The following AEBP2 variants were observed in gnomAD, a reference collection of about 807,000 sequenced individuals.
The protein encoded by AEBP2 is AE binding protein 2.
A neutral mutation model predicts 50.8 loss-of-function variants in AEBP2; 10 were observed. That is an observed-to-expected ratio of 0.20 (90% CI 0.12 to 0.33). The LOEUF is 0.33. Ranked by LOEUF, AEBP2 falls within the 10% of genes least tolerant of loss-of-function variation. AEBP2 has a pLI of 1.00. For missense variants in AEBP2, 570 were observed against 688.0 expected, an observed-to-expected ratio of 0.83 and a Z score of 1.92; for synonymous variants, 296 against 261.3, an observed-to-expected ratio of 1.13 and a Z score of -1.28.
At chr12:19,467,319 A>C (rs1433666669) in intron 2 of AEBP2, among the ~76,000 whole-genome samples, 1 of 152,088 alleles carries the variant, frequency 6.6e-6, no homozygotes, top group African/African-American at 2.4e-5. Context: ...GTATGATAGA[A>C]TTTTGTTATT....
chr12:19,440,351 C>G lies in AEBP2; in HGVS notation c.652C>G (p.Arg218Gly). ...EMSSDGEPLS[R>G]MDSEDSISST... Reference sequence around the variant, plus strand: ...GTCGTCGGATGGGGAACCCCTGAGCCGCATGGACTCGGAGGACAGGTCAGT... The same window carrying G: ...GTCGTCGGATGGGGAACCCCTGAGCGGCATGGACTCGGAGGACAGGTCAGT... Residue 218 changes from arginine to glycine, a missense_variant, in exon 1 of 8, where the codon CGC (arginine) becomes GGC (glycine). By Grantham distance (125) the Arg-to-Gly change is moderately radical. Transcript: ENST00000266508. 6.8e-7 allele frequency: 1 copy of G among 1,468,980 alleles called. No individual in the cohort carries two copies. Among genetic ancestry groups the G allele is most frequent in the Non-Finnish European group, 8.9e-7 (1 of 1,117,664 alleles). 91.0% of individuals were successfully genotyped at this position (1,468,980 alleles called of 1,614,324 possible).
chr12:19,517,693 C>T (rs373961782), intron 7 of AEBP2, among the ~76,000 whole-genome samples: 37 of 152,230 alleles, frequency 2.4e-4, no homozygotes, highest in African/African-American at 8.4e-4. Context: ...TTTTTGAGAC[C>T]ACTTCTCTCT....
chr12:19,439,216 A>G (rs1406392632), upstream of AEBP2, among the ~76,000 whole-genome samples: 1 of 152,082 alleles, frequency 6.6e-6, no homozygotes, highest in Non-Finnish European at 1.5e-5. Flanking sequence ...CAGAGGGGAC[A>G]CTCCTCAAAC....
At chr12:19,425,773 CA>C (rs11317571) in intron 1 of AEBP2, among the ~76,000 whole-genome samples, 1,840 of 47,908 alleles carry the variant, frequency 0.038, 12 homozygotes, top group African/African-American at 0.076. Context: ...GACTCCATCT[CA>C]AAAAAAAAAA....
Position 19,500,204 on chromosome 12 carries a change from G to A in AEBP2, c.1282G>A (p.Val428Ile), listed in dbSNP as rs1411361554. ...HIESLGKGHS[V>I]VFHSTVIAKR... ...AGAAAGTTTAGGGAAGGGACACAGT[G>A]TTGTTTTTCATAGTACTGTAAGTAT... The change falls in exon 5 of 8, where the codon GTT becomes ATT. Residue 428 changes from valine to isoleucine, a missense_variant. By Grantham distance (29) the Val-to-Ile change is conservative (BLOSUM62 3). Coordinates refer to ENST00000266508, the MANE Select transcript of AEBP2 (RefSeq NM_153207.5). 4.5e-6 allele frequency: 7 copies of A among 1,562,406 alleles called. No homozygotes were observed. Among genetic ancestry groups the A allele is most frequent in the Non-Finnish European group, 5.2e-6 (6 of 1,154,158 alleles).
chr12:19,509,597 A>G (rs1216705590), intron 5 of AEBP2, among the ~76,000 whole-genome samples: 1 of 152,042 alleles, frequency 6.6e-6, no homozygotes, highest in East Asian at 1.9e-4. Context: ...AATAAAAAAG[A>G]CATACCTAGG....
At chr12:19,475,678 T>G (rs112687593) in intron 3 of AEBP2, among the ~76,000 whole-genome samples, 7 of 152,116 alleles carry the variant, frequency 4.6e-5, no homozygotes, top group Non-Finnish European at 1.0e-4. Flanking sequence ...TCTGTACGGT[T>G]TTCTATAGTG....
chr12:19,482,291 C>T (rs1409102865), intron 3 of AEBP2, among the ~76,000 whole-genome samples: 1 of 152,140 alleles, frequency 6.6e-6, no homozygotes, highest in Non-Finnish European at 1.5e-5. Context: ...TGGATACCAG[C>T]ACCTGCTCTG....
upstream of AEBP2, among the ~76,000 whole-genome samples, chr12:19,437,987 TGTGTCCTTG>T (rs1947877923): frequency 6.6e-6 from 1 of 152,210 alleles, no homozygotes; most frequent in Non-Finnish European, 1.5e-5. Flanking sequence ...GGCCTGAAAA[TGTGTCCTTG>T]GGTCAGGGTG....
intron 7 of AEBP2, among the ~76,000 whole-genome samples, chr12:19,515,762 A>C (rs1949308260): frequency 6.6e-6 from 1 of 152,158 alleles, no homozygotes; most frequent in Admixed American, 6.5e-5. Flanking sequence ...ATTCCAACAT[A>C]ATGGGCATTG....
intron 1 of AEBP2, among the ~76,000 whole-genome samples, chr12:19,432,650 C>T (rs966062640): frequency 3.3e-5 from 5 of 151,966 alleles, no homozygotes; most frequent in African/African-American, 1.2e-4. Flanking sequence ...GCCATGATTG[C>T]GTCACTGCAC....
intron 5 of AEBP2, among the ~76,000 whole-genome samples, chr12:19,504,394 G>A (rs1002907777): frequency 2.1e-5 from 3 of 145,400 alleles, no homozygotes; most frequent in East Asian, 2.1e-4. Flanking sequence ...CCCCCACCAC[G>A]CCTGGCTAAT....
intron 6 of AEBP2, 111 bp from the exon 7 acceptor site, chr12:19,514,560 A>G (rs1592787350): frequency 1.4e-6 from 1 of 716,562 alleles, no homozygotes; most frequent in East Asian, 3.2e-5. Flanking sequence ...AAACTTGTTC[A>G]CTTAACGTGG....
chr12:19,440,184 A>G lies in AEBP2; in HGVS notation c.485A>G (p.Lys162Arg), dbSNP rs567796065. Residue 162 changes from lysine (K) to arginine (R), a missense_variant, in exon 1 of 8, where the codon AAG (lysine) becomes AGG (arginine). By Grantham distance (26) the Lys-to-Arg change is conservative. Coordinates refer to ENST00000266508, the MANE Select transcript of AEBP2 (RefSeq NM_153207.5). ...GDGKEGLEEP[K>R]GPRGSQGGGG... Reference sequence around the variant, plus strand: ...GGCAAGGAGGGCCTGGAGGAGCCCAAGGGACCGCGGGGCAGCCAGGGCGGC... The same window carrying G: ...GGCAAGGAGGGCCTGGAGGAGCCCAGGGGACCGCGGGGCAGCCAGGGCGGC... 32 of 1,467,856 alleles carry G rather than the reference A, an allele frequency of 2.2e-5. No individual in the cohort carries two copies. Among genetic ancestry groups the G allele is most frequent in the East Asian group, 2.7e-5 (1 of 37,158 alleles). The allele number at this position is 1,467,856 out of a possible 1,614,324, so 90.9% of individuals were successfully genotyped here.
In AEBP2 at chr12:19,500,231, C is replaced by T. The variant is rs149646539; in HGVS notation, c.1299+10C>T. 3.5e-6 allele frequency: 5 copies of T among 1,439,338 alleles called. No individual in the cohort carries two copies. The highest frequency in any genetic ancestry group is 4.6e-6 in the Non-Finnish European group (5 of 1,089,626). The allele number at this position is 1,439,338 out of a possible 1,614,324, so 89.2% of individuals were successfully genotyped here. A position where few individuals can be genotyped will look rare whatever the true frequency, so the allele number is the denominator to read the frequency against. On this transcript the variant is annotated intron_variant, in intron 5 of 7. Transcript: ENST00000266508. The stretch of plus-strand genomic sequence containing the variant: ...TGTTTTTCATAGTACTGTAAGTATT[C>T]TTTTATTTTTTCAAATTAAATATAA...
intron 1 of AEBP2, among the ~76,000 whole-genome samples, chr12:19,446,856 G>T (rs906063159): frequency 1.3e-5 from 2 of 152,088 alleles, no homozygotes; most frequent in Non-Finnish European, 2.9e-5. Flanking sequence ...GGATCCAGGA[G>T]TCTGAGGCTG....
chr12:19,468,507 CT>C lies in AEBP2; in HGVS notation c.880-4735del, dbSNP rs1342818700. Among the ~76,000 whole-genome samples the C allele has an allele frequency of 3.3e-5, 5 of 152,222 alleles. No individual in the cohort carries two copies. The South Asian group carries it at 6.2e-4, about 19-fold the overall frequency. ...CTTACTCTGACAGATTAACATTGCA[CT>C]TTTTTGCAGTGGATTTTTCATTTAT... is the stretch of plus-strand genomic sequence containing the variant. On this transcript the variant is annotated intron_variant, in intron 2 of 7. Transcript: ENST00000266508.
intron 1 of AEBP2, among the ~76,000 whole-genome samples, chr12:19,419,939 T>A (rs1400370548): frequency 6.6e-6 from 1 of 151,038 alleles, no homozygotes; most frequent in African/African-American, 2.4e-5. Flanking sequence ...TTCCAAAACA[T>A]CAGATTATCC....
intron 5 of AEBP2, among the ~76,000 whole-genome samples, chr12:19,505,935 C>G (rs974272501): frequency 1.3e-5 from 2 of 151,610 alleles, no homozygotes; most frequent in Non-Finnish European, 2.9e-5. Context: ...ACCACGATGC[C>G]TGGCTAATTT....
Sources: allele counts gnomAD v4.1 joint callset (sites outside exome capture counted in the v4.1 genomes callset), GRCh38; gene constraint gnomAD v4.1.1; transcripts MANE v1.5; gene names NCBI Gene and HGNC (gene_info 2026-07-23, HGNC 2026-07-21).